The following LRRTM4 variants were observed in gnomAD, a reference collection of about 807,000 sequenced individuals.
LRRTM4 encodes the protein leucine rich repeat transmembrane neuronal 4, also known as leucine-rich repeat transmembrane neuronal protein 4.
A neutral mutation model predicts 47.6 loss-of-function variants in LRRTM4; 25 were observed. The observed-to-expected ratio is 0.53, with a 90% CI of 0.38 to 0.73. LRRTM4 has a LOEUF of 0.73. Among genes scored for constraint, LRRTM4 ranks in the 30% least tolerant of loss-of-function variants. LRRTM4 has a pLI of 0.00. For synonymous variants in LRRTM4, 311 were observed against 269.5 expected, an observed-to-expected ratio of 1.15 and a Z score of -1.51; for missense variants, 638 against 713.4, an observed-to-expected ratio of 0.89 and a Z score of 1.20.
At chr2:76,805,373 G>GA (rs1412653538) in intron 3 of LRRTM4, among the ~76,000 whole-genome samples, 2 of 151,932 alleles carry the variant, frequency 1.3e-5, no homozygotes, top group Non-Finnish European at 2.9e-5. Flanking sequence ...ATTTTTAAAA[G>GA]AAAAAACTAC....
intron 3 of LRRTM4, among the ~76,000 whole-genome samples, chr2:77,079,071 AT>A (rs1680442796): frequency 2.0e-5 from 3 of 152,172 alleles, no homozygotes; most frequent in Admixed American, 2.0e-4. Context: ...TTCTAATACC[AT>A]CACATTGAGG....
At chr2:77,027,981 TA>T (rs11368002) in intron 3 of LRRTM4, among the ~76,000 whole-genome samples, 45,233 of 149,524 alleles carry the variant, frequency 0.3, 7,098 homozygotes, top group East Asian at 0.56. Context: ...GTTTACAAAT[TA>T]AAAAAAAAAC....
chr2:76,800,274 AAC>A (rs1675592988), intron 3 of LRRTM4, among the ~76,000 whole-genome samples: 1 of 149,512 alleles, frequency 6.7e-6, no homozygotes, highest in Non-Finnish European at 1.5e-5. Flanking sequence ...AATGGAACAG[AAC>A]AGAGCCCTCA....
intron 3 of LRRTM4, among the ~76,000 whole-genome samples, chr2:76,775,340 G>A (rs1372737070): frequency 6.6e-6 from 1 of 152,074 alleles, no homozygotes; most frequent in Non-Finnish European, 1.5e-5. Context: ...AGTCTGAAAG[G>A]TCCTTATGAT....
intron 3 of LRRTM4, among the ~76,000 whole-genome samples, chr2:76,928,747 T>C (rs780878309): frequency 2.6e-5 from 4 of 152,166 alleles, no homozygotes; most frequent in Non-Finnish European, 4.4e-5. Flanking sequence ...GTTCATGATA[T>C]TAAAAAATGC....
intron 3 of LRRTM4, among the ~76,000 whole-genome samples, chr2:77,388,178 C>T (rs1361380175): frequency 3.3e-5 from 5 of 150,802 alleles, no homozygotes; most frequent in Admixed American, 2.7e-4. Flanking sequence ...AAAAAAAAGT[C>T]AGGGTTCCTG....
chr2:77,223,698 T>G (rs1573101956), intron 3 of LRRTM4, among the ~76,000 whole-genome samples: 2 of 151,870 alleles, frequency 1.3e-5, no homozygotes, highest in Admixed American at 6.6e-5. Context: ...CACTACTCAA[T>G]GAAATAAAAG....
At chr2:76,794,975 G>A (rs1467003660) in intron 3 of LRRTM4, among the ~76,000 whole-genome samples, 1 of 152,080 alleles carries the variant, frequency 6.6e-6, no homozygotes, top group Non-Finnish European at 1.5e-5. Flanking sequence ...ATCTAAGGGT[G>A]GCTGTAACTT....
At chr2:77,074,440 C>T (rs960660320) in intron 3 of LRRTM4, among the ~76,000 whole-genome samples, 1 of 152,014 alleles carries the variant, frequency 6.6e-6, no homozygotes, top group Non-Finnish European at 1.5e-5. Context: ...GTAGTAAGAT[C>T]ATATCTTCTG....
At chr2:77,460,639 A>AT (rs1052837748) in intron 3 of LRRTM4, among the ~76,000 whole-genome samples, 5 of 152,234 alleles carry the variant, frequency 3.3e-5, no homozygotes, top group Non-Finnish European at 5.9e-5. Flanking sequence ...TTATGAAGTA[A>AT]TTTTTTTGAA....
intron 3 of LRRTM4, among the ~76,000 whole-genome samples, chr2:76,814,115 C>T (rs765059059): frequency 2.5e-4 from 38 of 151,994 alleles, no homozygotes; most frequent in Non-Finnish European, 5.1e-4. Flanking sequence ...TGGGATTTTT[C>T]TTATCTTGTT....
chr2:76,838,185 A>G (rs1259813486), intron 3 of LRRTM4, among the ~76,000 whole-genome samples: 11 of 152,030 alleles, frequency 7.2e-5, no homozygotes, highest in Admixed American at 3.9e-4. Context: ...AAGTCTCATT[A>G]AAGTCAAGAA....
chr2:77,426,322 A>C (rs1675103024), intron 3 of LRRTM4, among the ~76,000 whole-genome samples: 1 of 152,122 alleles, frequency 6.6e-6, no homozygotes, highest in African/African-American at 2.4e-5. Context: ...TAAATCATCT[A>C]CATACATGTA....
At chr2:77,172,882 T>A (rs1673094795) in intron 3 of LRRTM4, among the ~76,000 whole-genome samples, 1 of 151,958 alleles carries the variant, frequency 6.6e-6, no homozygotes, top group South Asian at 2.1e-4. Flanking sequence ...ATAAAGAAGG[T>A]TTATTTCCAT....
intron 3 of LRRTM4, among the ~76,000 whole-genome samples, chr2:77,437,782 C>T (rs1675662057): frequency 6.6e-6 from 1 of 151,968 alleles, no homozygotes; most frequent in Non-Finnish European, 1.5e-5. Flanking sequence ...GAATGTTTTT[C>T]TCTCCTGAAT....
chr2:76,915,561 T>C (rs1674214257), intron 3 of LRRTM4, among the ~76,000 whole-genome samples: 2 of 152,316 alleles, frequency 1.3e-5, no homozygotes, highest in African/African-American at 2.4e-5. Context: ...GGGTTCTACC[T>C]TTGTCACTTA....
chr2:76,777,576 A>G (rs1214391987), intron 3 of LRRTM4, among the ~76,000 whole-genome samples: 2 of 143,946 alleles, frequency 1.4e-5, no homozygotes, highest in African/African-American at 5.2e-5. Flanking sequence ...TTGTTGGTGT[A>G]TAAGAATGCT....
At chr2:77,432,223 A>G (rs1675408126) in intron 3 of LRRTM4, among the ~76,000 whole-genome samples, 1 of 152,196 alleles carries the variant, frequency 6.6e-6, no homozygotes, top group African/African-American at 2.4e-5. Context: ...GGGTTCCCAA[A>G]GCTCCACATA....
intron 3 of LRRTM4, among the ~76,000 whole-genome samples, chr2:76,818,687 A>G (rs1670969656): frequency 6.6e-6 from 1 of 151,750 alleles, no homozygotes; most frequent in East Asian, 1.9e-4. Flanking sequence ...TGATCATGAC[A>G]TGATCAAGTT....
Sources: gnomAD v4.1 joint callset for allele counts (sites outside exome capture counted in the v4.1 genomes callset) on GRCh38, gnomAD v4.1.1 for gene constraint, MANE v1.5 for transcripts, NCBI Gene and HGNC (gene_info 2026-07-23, HGNC 2026-07-21) for gene names.